Variants in RABGEF1 observed in about 807,000 individuals in gnomAD.
RABGEF1 encodes rab5 GDP/GTP exchange factor.
A neutral mutation model predicts 57.3 loss-of-function variants in RABGEF1; 26 were observed. That is an observed-to-expected ratio of 0.45 (90% CI 0.33 to 0.63). RABGEF1 has a LOEUF of 0.63. Among genes scored for constraint, RABGEF1 ranks in the 20% least tolerant of loss-of-function variants. The pLI is 0.02. For synonymous variants in RABGEF1, 185 were observed against 210.7 expected (o/e 0.88, Z 1.06); for missense variants, 464 against 607.6 (o/e 0.76, Z 2.48).
chr7:66,741,875 C>G (rs1444298174), intron 1 of RABGEF1, among the ~76,000 whole-genome samples: 1 of 151,816 alleles, frequency 6.6e-6, no homozygotes, highest in African/African-American at 2.4e-5. Context: ...CGGTGGCTCA[C>G]GTCTGTAATC....
chr7:66,799,297 CTTG>C (rs1786749254), intron 6 of RABGEF1, 23 bp from the exon 7 acceptor site: 1 of 1,552,052 alleles, frequency 6.4e-7, no homozygotes, highest in African/African-American at 1.4e-5. Flanking sequence ...CCTTGGAGCT[CTTG>C]TTTACTGTCT....
intron 2 of RABGEF1, among the ~76,000 whole-genome samples, chr7:66,722,118 C>T (rs1796118262): frequency 6.6e-6 from 1 of 152,108 alleles, no homozygotes; most frequent in Admixed American, 6.6e-5. Flanking sequence ...GATTGTTTCA[C>T]TGCACTTCAT....
At chr7:66,736,947 TACACACACACGC>T (rs1798013824), upstream of RABGEF1, among the ~76,000 whole-genome samples, 4 of 151,818 alleles carry the variant, frequency 2.6e-5, no homozygotes, top group South Asian at 6.2e-4. Flanking sequence ...CACACACACG[TACACACACACGC>T]ACACAAATAT....
At chr7:66,657,158 A>G in the RABGEF1 span, among the ~76,000 whole-genome samples, 1 of 152,208 alleles carries the variant, frequency 6.6e-6, no homozygotes, top group Non-Finnish European at 1.5e-5. Context: ...TAATGGTCAT[A>G]TGCAGACACC....
chr7:66,779,580 G>A (rs1267744872), intron 3 of RABGEF1, among the ~76,000 whole-genome samples: 1 of 151,768 alleles, frequency 6.6e-6, no homozygotes, highest in Non-Finnish European at 1.5e-5. Flanking sequence ...GCTGAGATGG[G>A]AGGATCATTT....
Position 66,765,814 on chromosome 7 carries a change from A to G in RABGEF1, c.-17-6069A>G, listed in dbSNP as rs978636541. Among the ~76,000 whole-genome samples the G allele has an allele frequency of 4.4e-4, 67 of 152,312 alleles. 1 individual carries two copies. The highest frequency in any genetic ancestry group is 1.6e-3 in the African/African-American group (67 of 41,560). The stretch of plus-strand genomic sequence containing the variant: ...TGAATTGGGGGACCATTCACCTTAT[A>G]CAAATATAGCTGCTGCCAGCTTATC... On this transcript the variant is annotated intron_variant, in intron 1 of 8. Transcript: ENST00000284957.
At chr7:66,658,123 G>A in the RABGEF1 span, among the ~76,000 whole-genome samples, 1 of 152,078 alleles carries the variant, frequency 6.6e-6, no homozygotes, top group Non-Finnish European at 1.5e-5. Flanking sequence ...AACAATTAAG[G>A]TTATCGTAAG....
intron 1 of RABGEF1, among the ~76,000 whole-genome samples, chr7:66,771,392 G>A (rs567264715): frequency 4.6e-4 from 70 of 152,280 alleles, no homozygotes; most frequent in African/African-American, 1.6e-3. Flanking sequence ...GCCCTCCTCA[G>A]CCTCCCAAAG....
chr7:66,713,430 A>C lies in RABGEF1; in HGVS notation c.-815+1206A>C, dbSNP rs1258231461. ...GGCTTGAGCCACTGCGTCTAGCCCA[A>C]CCTGTGGGATTTTCTATGGAGACAA... On this transcript the variant is annotated intron_variant and NMD_transcript_variant, in intron 2 of 9. Transcript: ENST00000607882. Among the ~76,000 whole-genome samples, 2 of 152,116 alleles carry C rather than the reference A, an allele frequency of 1.3e-5. 1 individual carries two copies. Among genetic ancestry groups the C allele is most frequent in the Admixed American group, 1.3e-4 (2 of 15,274 alleles).
intron 1 of RABGEF1, among the ~76,000 whole-genome samples, chr7:66,759,489 A>G (rs183754804): frequency 1.3e-5 from 2 of 152,204 alleles, no homozygotes; most frequent in African/African-American, 4.8e-5. Flanking sequence ...ATAGTATATT[A>G]GTTCGTTCAT....
intron 1 of RABGEF1, chr7:66,749,177 A>G (rs1408558116): frequency 6.6e-6 from 1 of 152,408 alleles, no homozygotes; most frequent in Non-Finnish European, 1.5e-5. Flanking sequence ...TACTCGTCTC[A>G]GATGAAATGT....
At chr7:66,656,847 C>T in the RABGEF1 span, among the ~76,000 whole-genome samples, 1 of 141,992 alleles carries the variant, frequency 7.0e-6, no homozygotes, top group African/African-American at 2.6e-5. Context: ...AAAAAGTAAC[C>T]AAATGAGACC....
At chr7:66,656,547 C>T in the RABGEF1 span, among the ~76,000 whole-genome samples, 1 of 152,006 alleles carries the variant, frequency 6.6e-6, no homozygotes, top group Non-Finnish European at 1.5e-5. Context: ...TCTGGCTGGG[C>T]GTGGTGGCTC....
chr7:66,700,708 G>A (rs1279032282), intron 1 of RABGEF1, among the ~76,000 whole-genome samples: 2 of 152,186 alleles, frequency 1.3e-5, no homozygotes, highest in Admixed American at 6.5e-5. Flanking sequence ...ACCCTAAGCC[G>A]TGCCCTCTGA....
chr7:66,697,305 G>A (rs1360914245), intron 1 of RABGEF1, among the ~76,000 whole-genome samples: 1 of 152,186 alleles, frequency 6.6e-6, no homozygotes, highest in African/African-American at 2.4e-5. Context: ...GTGCTGTAGG[G>A]GGCTTGCAGC....
chr7:66,685,153 CTTTTTTTT>C (rs545055892), intron 1 of RABGEF1, among the ~76,000 whole-genome samples: 1 of 101,106 alleles, frequency 9.9e-6, no homozygotes, highest in Non-Finnish European at 1.9e-5. Context: ...GGATTATTTG[CTTTTTTTT>C]TTTTTTTTTT....
chr7:66,709,625 A>G (rs1422744074), intron 1 of RABGEF1, among the ~76,000 whole-genome samples: 2 of 152,172 alleles, frequency 1.3e-5, no homozygotes, highest in East Asian at 1.9e-4. Flanking sequence ...TGTCTCTACT[A>G]AAAATACGAA....
At chr7:66,789,754 G>A (rs1315336615) in intron 4 of RABGEF1, among the ~76,000 whole-genome samples, 1 of 140,356 alleles carries the variant, frequency 7.1e-6, no homozygotes, top group Non-Finnish European at 1.6e-5. Flanking sequence ...AATTAAAAAT[G>A]TTTCATAGAA....
chr7:66,694,204 CG>C (rs1562702789), intron 1 of RABGEF1, among the ~76,000 whole-genome samples: 1 of 152,166 alleles, frequency 6.6e-6, no homozygotes, highest in African/African-American at 2.4e-5. Flanking sequence ...CCCAATGCAG[CG>C]GGGGACACCG....
Sources: allele counts gnomAD v4.1 joint callset (sites outside exome capture counted in the v4.1 genomes callset), GRCh38; gene constraint gnomAD v4.1.1; transcripts MANE v1.5; gene names NCBI Gene and HGNC (gene_info 2026-07-23, HGNC 2026-07-21).